PTGIS: variants seen among roughly 807,000 people sequenced by gnomAD.
PTGIS encodes the protein prostacyclin synthase.
A neutral mutation model predicts 50.3 loss-of-function variants in PTGIS; 45 were observed. The observed-to-expected ratio is 0.90, with a 90% CI of 0.70 to 1.15. The LOEUF (loss-of-function observed/expected upper bound fraction) is 1.15. PTGIS is among the 50% of genes most tolerant of loss of function. The pLI is 0.00. For missense variants in PTGIS, 668 were observed against 661.3 expected, an observed-to-expected ratio of 1.01 and a Z score of -0.11; for synonymous variants, 260 against 267.7, an observed-to-expected ratio of 0.97 and a Z score of 0.28.
intron 1 of PTGIS, among the ~76,000 whole-genome samples, chr20:49,555,123 A>T (rs1200609052): frequency 1.3e-5 from 2 of 152,014 alleles, no homozygotes; most frequent in African/African-American, 2.4e-5. Flanking sequence ...ATACAAAAAA[A>T]TTGGCTGGGT....
rs751959343 is a variant in PTGIS at position 49,524,235 on chromosome 20, G to A, written c.678C>T (p.Asp226=). Residue 226 remains aspartate (D), a synonymous_variant, in exon 6 of 10, where the codon GAC becomes GAT. Coordinates refer to ENST00000244043, the MANE Select transcript of PTGIS (RefSeq NM_000961.4). ...KLARGSLSVG[D]KDHMCSVKSR... is the part of the protein sequence containing the mutation. ...TTTTGACACTGCACATGTGGTCCTT[G>A]TCCCCTGCAGGGACAGAGCACAGAG... 6.2e-7 allele frequency: 1 copy of A among 1,613,946 alleles called. No individual in the cohort carries two copies. The highest frequency in any genetic ancestry group is 8.5e-7 in the Non-Finnish European group (1 of 1,180,000).
At chr20:49,531,987 G>A (rs1981946477) in intron 5 of PTGIS, among the ~76,000 whole-genome samples, 1 of 152,170 alleles carries the variant, frequency 6.6e-6, no homozygotes, top group Admixed American at 6.6e-5. Context: ...AAACAGAGTA[G>A]CCGCAAGCCC....
intron 1 of PTGIS, among the ~76,000 whole-genome samples, chr20:49,557,835 G>A (rs913677063): frequency 1.3e-5 from 2 of 152,000 alleles, no homozygotes; most frequent in African/African-American, 2.4e-5. Flanking sequence ...ATTGACTATC[G>A]CCCTACCCGT....
chr20:49,515,867 T>A (rs1196373279), intron 6 of PTGIS, among the ~76,000 whole-genome samples: 1 of 151,826 alleles, frequency 6.6e-6, no homozygotes, highest in Non-Finnish European at 1.5e-5. Context: ...GAAATATACA[T>A]GAAGAAGTAC....
intron 8 of PTGIS, among the ~76,000 whole-genome samples, chr20:49,511,432 A>G (rs1252510846): frequency 6.6e-6 from 1 of 152,210 alleles, no homozygotes; most frequent in Non-Finnish European, 1.5e-5. Flanking sequence ...GCATGATCCT[A>G]TACACACACC....
intron 4 of PTGIS, among the ~76,000 whole-genome samples, chr20:49,541,489 T>A (rs1434483943): frequency 6.6e-6 from 1 of 152,100 alleles, no homozygotes; most frequent in Non-Finnish European, 1.5e-5. Flanking sequence ...CCTAGCACTT[T>A]GGGATGCCGA....
intron 9 of PTGIS, among the ~76,000 whole-genome samples, chr20:49,510,287 G>A (rs1455180038): frequency 2.0e-5 from 3 of 152,064 alleles, no homozygotes; most frequent in African/African-American, 7.2e-5. Context: ...GAGGCTAAAG[G>A]TTTATGTAAC....
rs1211795330 is a variant in PTGIS at position 49,540,767 on chromosome 20, AC to A, written c.522-1047del. The stretch of plus-strand genomic sequence containing the variant: ...AGTCCAGCCCCAGCCCAGCGGGCTG[AC>A]CTCAGTCCTGGGAGGGAAACTGCAG... On this transcript the variant is annotated intron_variant, in intron 4 of 9. Coordinates refer to ENST00000244043, the MANE Select transcript of PTGIS (RefSeq NM_000961.4). This position sits in a 1 kb window ranked among gnomAD's most constrained non-coding sequence, Gnocchi z 4.8. 1.3e-5 allele frequency among the ~76,000 whole-genome samples: 2 copies of A among 152,130 alleles called. No homozygotes were observed. Among genetic ancestry groups the A allele is most frequent in the Non-Finnish European group, 2.9e-5 (2 of 68,002 alleles).
chr20:49,544,540 G>C, intron 3 of PTGIS, 92 bp from the exon 4 acceptor site: 1 of 1,457,562 alleles, frequency 6.9e-7, no homozygotes, highest in Non-Finnish European at 9.6e-7. Flanking sequence ...GGGTCCCAGA[G>C]CTCAAGCTCC....
At chr20:49,562,652 A>C (rs1982805807) in intron 1 of PTGIS, among the ~76,000 whole-genome samples, 1 of 152,118 alleles carries the variant, frequency 6.6e-6, no homozygotes, top group African/African-American at 2.4e-5. Flanking sequence ...GCTCCTGCCC[A>C]CACAGCCGGT....
At chr20:49,519,824 C>G (rs1436271784) in intron 6 of PTGIS, among the ~76,000 whole-genome samples, 2 of 151,542 alleles carry the variant, frequency 1.3e-5, no homozygotes, top group African/African-American at 4.9e-5. Context: ...TGGCCTCCCC[C>G]AAGGTCCCAT....
chr20:49,510,998 A>G, intron 9 of PTGIS, 30 bp downstream of exon 9: 1 of 1,607,718 alleles, frequency 6.2e-7, no homozygotes, highest in Non-Finnish European at 8.5e-7. Context: ...ATCAGGAGCC[A>G]CCCTGGCCCT....
rs190351688 is a variant in PTGIS at position 49,536,679 on chromosome 20, C to T, written c.673+2891G>A. Among the ~76,000 whole-genome samples, 427 of 151,970 alleles carry T rather than the reference C, an allele frequency of 2.8e-3. 4 individuals are homozygous for T. Among genetic ancestry groups the T allele is most frequent in the African/African-American group, 9.6e-3 (399 of 41,446 alleles). ...TGTATTTTTAGTAGAGACAGGGTTC[C>T]GCCATGTTGTCCAGGCTGGTCTTGA... On this transcript the variant is annotated intron_variant, in intron 5 of 9. Transcript: ENST00000244043.
intron 1 of PTGIS, among the ~76,000 whole-genome samples, chr20:49,553,482 AAATT>A (rs1982558643): frequency 6.6e-6 from 1 of 152,044 alleles, no homozygotes; most frequent in Admixed American, 6.6e-5. Context: ...CTATTTTAAA[AAATT>A]AATTAGGTAA....
chr20:49,507,636 T>C lies in PTGIS; in HGVS notation c.*284A>G. On this transcript the variant is annotated 3_prime_UTR_variant, in exon 10 of 10. Transcript: ENST00000244043. ...TTCTGCCTTATCTGAATAGCATTTG[T>C]GGATATCACGAGGTGAGAGTAACGA... 1 of 495,496 alleles carries C rather than the reference T, an allele frequency of 2.0e-6. No individual in the cohort carries two copies. The highest frequency in any genetic ancestry group is 3.7e-6 in the Non-Finnish European group (1 of 271,102). The allele number at this position is 495,496 out of a possible 1,614,324, so 30.7% of individuals were successfully genotyped here.
In PTGIS at chr20:49,514,343, G is replaced by C; in HGVS notation, c.908C>G (p.Pro303Arg). 6.2e-7 allele frequency: 1 copy of C among 1,614,146 alleles called. No homozygotes were observed. ...TCCGCGGACAGCAGCCAGGGCTTCA[G>C]GATTCTTGAGAAGGAAGAGCAGGAG... Reference protein sequence around the residue: ...FWLLLFLLKNPEALAAVRGEL... With the variant: ...FWLLLFLLKNREALAAVRGEL... Residue 303 changes from proline to arginine, a missense_variant, in exon 7 of 10, where the codon CCT (proline) becomes CGT (arginine). By Grantham distance (103) the Pro-to-Arg change is moderately radical. Transcript: ENST00000244043.
At chr20:49,547,762 C>G in intron 3 of PTGIS, 79 bp downstream of exon 3, 1 of 1,502,242 alleles carries the variant, frequency 6.7e-7, no homozygotes, top group South Asian at 1.1e-5. Flanking sequence ...GCTTTGGAAC[C>G]AAGAATAACT....
chr20:49,528,611 A>G (rs143351969), intron 5 of PTGIS, among the ~76,000 whole-genome samples: 1 of 152,262 alleles, frequency 6.6e-6, no homozygotes, highest in African/African-American at 2.4e-5. Flanking sequence ...CAGAGCAAGC[A>G]AGACTCTGTC....
chr20:49,507,235 T>C lies in PTGIS; in HGVS notation c.*685A>G, dbSNP rs920377556. On this transcript the variant is annotated 3_prime_UTR_variant, in exon 10 of 10. Transcript: ENST00000244043. Reference sequence around the variant, plus strand: ...CACTGAGAAAGCCCATCCCATCTGGTGCCTGTCACTCTAGAACAGAGAACT... The same window carrying C: ...CACTGAGAAAGCCCATCCCATCTGGCGCCTGTCACTCTAGAACAGAGAACT... 4 of 157,714 alleles carry C rather than the reference T, an allele frequency of 2.5e-5. No homozygotes were observed. The highest frequency in any genetic ancestry group is 7.2e-5 in the African/African-American group (3 of 41,458). 9.8% of individuals were successfully genotyped at this position (157,714 alleles called of 1,614,324 possible).
Sources: gnomAD v4.1 joint callset for allele counts (sites outside exome capture counted in the v4.1 genomes callset) on GRCh38, gnomAD v4.1.1 for gene constraint, Gnocchi (gnomAD v3.1) non-coding constraint, MANE v1.5 for transcripts, NCBI Gene and HGNC (gene_info 2026-07-23, HGNC 2026-07-21) for gene names.